Variants in HS3ST2 observed in about 807,000 individuals in gnomAD.
HS3ST2 encodes heparan sulfate-glucosamine 3-sulfotransferase 2.
HS3ST2 carries 17 observed loss-of-function variants against 26.3 expected under a neutral mutation model. That is an observed-to-expected ratio of 0.65 (90% CI 0.44 to 0.97). The LOEUF (loss-of-function observed/expected upper bound fraction) is 0.97, where lower values mean the gene tolerates loss of function less well. Ranked by LOEUF, HS3ST2 falls within the 50% of genes least tolerant of loss-of-function variation. The pLI is 0.00. For missense variants in HS3ST2, 402 were observed against 501.2 expected (o/e 0.80, Z 1.89); for synonymous variants, 237 against 219.2 (o/e 1.08, Z -0.72).
At chr16:22,818,119 A>AT (rs1442922911) in intron 1 of HS3ST2, among the ~76,000 whole-genome samples, 1 of 152,060 alleles carries the variant, frequency 6.6e-6, no homozygotes, top group Non-Finnish European at 1.5e-5. Flanking sequence ...TGCTTACCTC[A>AT]ACTATGTGTC....
intron 1 of HS3ST2, among the ~76,000 whole-genome samples, chr16:22,851,582 G>A (rs1901518503): frequency 6.6e-6 from 1 of 152,154 alleles, no homozygotes; most frequent in Non-Finnish European, 1.5e-5. Context: ...CCTCCTGAAG[G>A]AGAGAATCTC....
intron 1 of HS3ST2, among the ~76,000 whole-genome samples, chr16:22,845,651 A>G (rs1216892990): frequency 6.6e-6 from 1 of 152,002 alleles, no homozygotes; most frequent in African/African-American, 2.4e-5. Context: ...CGCCTGGCCT[A>G]TTTTTGATAT....
intron 1 of HS3ST2, among the ~76,000 whole-genome samples, chr16:22,886,463 G>T (rs1369218291): frequency 1.3e-5 from 2 of 152,172 alleles, no homozygotes; most frequent in African/African-American, 2.4e-5. Context: ...CGGCCTCACG[G>T]AAAATAGACA....
chr16:22,852,100 C>T (rs1168445533), intron 1 of HS3ST2, among the ~76,000 whole-genome samples: 1 of 152,144 alleles, frequency 6.6e-6, no homozygotes, highest in Non-Finnish European at 1.5e-5. Flanking sequence ...TGTCTAGAGA[C>T]ATTTTTGATT....
chr16:22,868,314 C>T (rs999110783), intron 1 of HS3ST2, among the ~76,000 whole-genome samples: 1 of 145,712 alleles, frequency 6.9e-6, no homozygotes, highest in Non-Finnish European at 1.5e-5. Context: ...GAGGCTGACA[C>T]AGGAGAATTG....
At chr16:22,850,450 CA>C (rs1029399417) in intron 1 of HS3ST2, among the ~76,000 whole-genome samples, 26 of 152,268 alleles carry the variant, frequency 1.7e-4, no homozygotes, top group African/African-American at 5.8e-4. Flanking sequence ...TATTATTTCT[CA>C]TGGTTCCATG....
chr16:22,877,480 G>T (rs543439568), intron 1 of HS3ST2, among the ~76,000 whole-genome samples: 3 of 152,274 alleles, frequency 2.0e-5, no homozygotes, highest in African/African-American at 7.2e-5. Flanking sequence ...TTGGCCTGGC[G>T]ACTTACTGCA....
At chr16:22,874,685 G>T (rs2141194415) in intron 1 of HS3ST2, among the ~76,000 whole-genome samples, 1 of 152,350 alleles carries the variant, frequency 6.6e-6, no homozygotes, top group African/African-American at 2.4e-5. Context: ...ACCTGTTACA[G>T]TCAAGACAGT....
chr16:22,912,258 A>G (rs984320969), intron 1 of HS3ST2, among the ~76,000 whole-genome samples: 2 of 152,226 alleles, frequency 1.3e-5, no homozygotes, highest in Admixed American at 1.3e-4. Flanking sequence ...GGGAAATTGC[A>G]ATGACATGAC....
chr16:22,855,088 G>A (rs1310581276), intron 1 of HS3ST2, among the ~76,000 whole-genome samples: 1 of 152,142 alleles, frequency 6.6e-6, no homozygotes, highest in Non-Finnish European at 1.5e-5. Flanking sequence ...AATGCTGTTG[G>A]AATTTACTCT....
At chr16:22,832,151 C>CTTTTACCATCCCCAGCTGATCT (rs1337530497) in intron 1 of HS3ST2, among the ~76,000 whole-genome samples, 13 of 115,474 alleles carry the variant, frequency 1.1e-4, no homozygotes, top group African/African-American at 3.5e-4. Flanking sequence ...CCCAGCTGAT[C>CTTTTACCATCCCCAGCTGATCT]TTTTTTTTTT....
intron 1 of HS3ST2, among the ~76,000 whole-genome samples, chr16:22,856,971 G>A (rs1427937589): frequency 6.6e-6 from 1 of 152,082 alleles, no homozygotes; most frequent in Non-Finnish European, 1.5e-5. Context: ...TAATCTCAAT[G>A]GCAATCCTTA....
chr16:22,870,713 C>A (rs1300997130), intron 1 of HS3ST2, among the ~76,000 whole-genome samples: 2 of 152,152 alleles, frequency 1.3e-5, no homozygotes, highest in Non-Finnish European at 2.9e-5. Context: ...CCTCTGAGAG[C>A]CTCATGCCCA....
chr16:22,829,787 C>T (rs57965375), intron 1 of HS3ST2, among the ~76,000 whole-genome samples: 18,963 of 152,086 alleles, frequency 0.12, 1,304 homozygotes, highest in South Asian at 0.22. Flanking sequence ...TTATAGGTTG[C>T]TGTAGTGATT....
At chr16:22,816,705 ACTGT>A (rs982169237) in intron 1 of HS3ST2, among the ~76,000 whole-genome samples, 1 of 152,202 alleles carries the variant, frequency 6.6e-6, no homozygotes, top group Admixed American at 6.5e-5. Context: ...GCATGTGGAC[ACTGT>A]CTGAGTCAGA....
intron 1 of HS3ST2, among the ~76,000 whole-genome samples, chr16:22,904,798 C>T (rs1348644579): frequency 6.6e-6 from 1 of 152,142 alleles, no homozygotes; most frequent in African/African-American, 2.4e-5. Flanking sequence ...CGAGAATGGT[C>T]GCTGGAGTAT....
chr16:22,857,894 A>G (rs1401362313), intron 1 of HS3ST2, among the ~76,000 whole-genome samples: 1 of 152,108 alleles, frequency 6.6e-6, no homozygotes, highest in Non-Finnish European at 1.5e-5. Context: ...TTCCATCTAT[A>G]ATTAATAAGC....
intron 1 of HS3ST2, among the ~76,000 whole-genome samples, chr16:22,837,270 G>T (rs1901272539): frequency 6.6e-6 from 1 of 151,578 alleles, no homozygotes. Context: ...TGTGAAGTAG[G>T]GATAATAATC....
chr16:22,895,075 T>C (rs1902189998), intron 1 of HS3ST2, among the ~76,000 whole-genome samples: 4 of 151,646 alleles, frequency 2.6e-5, no homozygotes, highest in Admixed American at 6.6e-5. Context: ...TCTTTCTTTT[T>C]TTTTTTTTTT....
Sources: gnomAD v4.1 joint callset for allele counts (sites outside exome capture counted in the v4.1 genomes callset) on GRCh38, gnomAD v4.1.1 for gene constraint, MANE v1.5 for transcripts, NCBI Gene and HGNC (gene_info 2026-07-23, HGNC 2026-07-21) for gene names.